The following RIN3 variants were observed in gnomAD, a reference collection of about 807,000 sequenced individuals.
RIN3 encodes RAB5 interacting protein 3.
A neutral mutation model predicts 76.3 loss-of-function variants in RIN3; 54 were observed. That is an observed-to-expected ratio of 0.71 (90% CI 0.57 to 0.89). RIN3 has a LOEUF of 0.89. RIN3 is among the 40% of genes least tolerant of loss of function. RIN3 has a pLI of 0.00. For missense variants in RIN3, 1,256 were observed against 1,322.1 expected (o/e 0.95, Z 0.78); for synonymous variants, 576 against 564.0 (o/e 1.02, Z -0.30).
intron 1 of RIN3, among the ~76,000 whole-genome samples, chr14:92,547,052 TAAA>T: frequency 1.3e-5 from 1 of 76,740 alleles, no homozygotes; most frequent in South Asian, 4.3e-4. Context: ...TTTATTATAA[TAAA>T]ATAAATTATA....
chr14:92,611,502 C>T (rs1885735254), intron 3 of RIN3, among the ~76,000 whole-genome samples: 1 of 152,150 alleles, frequency 6.6e-6, no homozygotes, highest in Non-Finnish European at 1.5e-5. Context: ...ATCCACCCGC[C>T]TCGGCCTCCC....
At chr14:92,653,096 T>C in intron 6 of RIN3, 21 bp downstream of exon 6, 2 of 1,586,136 alleles carry the variant, frequency 1.3e-6, no homozygotes, top group Non-Finnish European at 1.7e-6. Flanking sequence ...TGGGAGGAGG[T>C]GGCAGGGAGG....
In RIN3 at chr14:92,688,211, A is replaced by C; in HGVS notation, c.2917A>C (p.Ser973Arg). The change falls in exon 10 of 10, where the codon AGC (serine) becomes CGC (arginine). Residue 973 changes from serine to arginine, a missense_variant. Physicochemically the swap from Ser to Arg is moderately radical, Grantham distance 110. Transcript: ENST00000216487. ...LDGGGGGGGG[S>R]PPCLVVREPN... is the part of the protein sequence containing the mutation. ...CGGTGGTGGCGGCGGCGGCGGCGGG[A>C]GCCCGCCCTGCCTGGTGGTGCGGGA... 2.5e-6 allele frequency: 4 copies of C among 1,598,590 alleles called. No individual in the cohort carries two copies. The highest frequency in any genetic ancestry group is 3.4e-6 in the Non-Finnish European group (4 of 1,174,200).
At position 92,685,203 on chromosome 14, in the gene RIN3, C is replaced by T; in HGVS notation, c.2631+53C>T. On this transcript the variant is annotated intron_variant, in intron 9 of 9. Coordinates refer to ENST00000216487, the MANE Select transcript of RIN3 (RefSeq NM_024832.5). This position sits in a 1 kb window ranked among gnomAD's most constrained non-coding sequence, Gnocchi z 4.7. Reference sequence around the variant, plus strand: ...GTGGGGCCATGTCCCAGACACCATCCCTGCTGCCTGCTGGCTAAGGAGCCG... The same window carrying T: ...GTGGGGCCATGTCCCAGACACCATCTCTGCTGCCTGCTGGCTAAGGAGCCG... The T allele has an allele frequency of 2.0e-6, 3 of 1,504,466 alleles. No individual in the cohort carries two copies. The highest frequency in any genetic ancestry group is 2.7e-6 in the Non-Finnish European group (3 of 1,115,056). 93.2% of individuals were successfully genotyped at this position (1,504,466 alleles called of 1,614,324 possible). A position where few individuals can be genotyped will look rare whatever the true frequency, so the allele number is the denominator to read the frequency against.
rs753576707 is a variant in RIN3, at chr14:92,651,881, C to G, written c.832C>G (p.Arg278Gly). ...ATSPTSRWAPRRPPPPPPVLP... is the reference protein window; with the variant it reads ...ATSPTSRWAPGRPPPPPPVLP... The stretch of plus-strand genomic sequence containing the variant: ...CTCACCCACCTCCAGGTGGGCCCCA[C>G]GCCGCCCACCACCCCCTCCCCCAGT... Residue 278 changes from arginine (R) to glycine (G), a missense_variant, in exon 6 of 10, where the codon CGC (arginine) becomes GGC (glycine). Transcript: ENST00000216487. 6.3e-7 allele frequency: 1 copy of G among 1,598,800 alleles called. No individual in the cohort carries two copies. Among genetic ancestry groups the G allele is most frequent in the Middle Eastern group, 1.7e-4 (1 of 5,802 alleles).
At position 92,555,785 on chromosome 14, in the gene RIN3, G is replaced by T. The variant is rs545061503; in HGVS notation, c.79G>T (p.Glu27Ter). 6.2e-7 allele frequency: 1 copy of T among 1,614,168 alleles called. No individual in the cohort carries two copies. Among genetic ancestry groups the T allele is most frequent in the East Asian group, 2.2e-5 (1 of 44,876 alleles). ...AGTTGTTGGCAAAGGAGAGGAAGAGGAAGAGGAAGATGGCATGCGGCTTTG... is the reference window on the plus strand; with the variant it reads ...AGTTGTTGGCAAAGGAGAGGAAGAGTAAGAGGAAGATGGCATGCGGCTTTG... ...VPVVGKGEEE[E>*]EEDGMRLCLP... The change falls in exon 2 of 10, where the codon GAA (glutamate) becomes TAA (stop). Residue 27 changes from glutamate (E) to a stop codon, truncating the protein, a stop_gained. Coordinates refer to ENST00000216487, the MANE Select transcript of RIN3 (RefSeq NM_024832.5). LOFTEE classifies it high-confidence loss of function.
At chr14:92,604,297 G>C (rs554406754) in intron 3 of RIN3, among the ~76,000 whole-genome samples, 4 of 152,308 alleles carry the variant, frequency 2.6e-5, no homozygotes, top group Admixed American at 6.5e-5. Flanking sequence ...TTATCCTCAG[G>C]GTCTGCGCCC....
intron 5 of RIN3, among the ~76,000 whole-genome samples, chr14:92,649,320 G>A (rs139634547): frequency 1.3e-5 from 2 of 152,306 alleles, no homozygotes; most frequent in East Asian, 3.9e-4. Context: ...TGGGGCTGCT[G>A]CCCAGTTACC....
At chr14:92,533,564 G>A (rs1407467553) in intron 1 of RIN3, among the ~76,000 whole-genome samples, 8 of 152,156 alleles carry the variant, frequency 5.3e-5, no homozygotes, top group Non-Finnish European at 1.0e-4. Flanking sequence ...AATGGCATTC[G>A]CAGCAACCTG....
intron 1 of RIN3, among the ~76,000 whole-genome samples, chr14:92,548,665 C>T (rs1007689644): frequency 4.6e-5 from 7 of 152,134 alleles, no homozygotes; most frequent in Admixed American, 2.0e-4. Flanking sequence ...TGCCTTCACA[C>T]GGACCTCATC....
chr14:92,545,229 C>A (rs1595402713), intron 1 of RIN3, among the ~76,000 whole-genome samples: 1 of 151,114 alleles, frequency 6.6e-6, no homozygotes. Flanking sequence ...CCTGCCTCAG[C>A]CTCCAAAGTA....
At chr14:92,641,179 G>C (rs1171058325) in intron 4 of RIN3, 59 bp from the exon 5 acceptor site, 2 of 1,318,048 alleles carry the variant, frequency 1.5e-6, no homozygotes, top group Non-Finnish European at 2.2e-6. Context: ...TTCCTTTGTG[G>C]AGGCTGGGAA....
rs1897972906 is a variant in RIN3, at chr14:92,568,429, T to C, written c.250-8931T>C. ...AGATAATTCACCATAATCTAAAATG[T>C]TCTTCAGGCATCACTGCGGCACAGT... On this transcript the variant is annotated intron_variant, in intron 2 of 9. Transcript: ENST00000216487. This position sits in a 1 kb window ranked among gnomAD's most constrained non-coding sequence, Gnocchi z 4.2. 6.6e-6 allele frequency among the ~76,000 whole-genome samples: 1 copy of C among 152,146 alleles called. No homozygotes were observed. Among genetic ancestry groups the C allele is most frequent in the African/African-American group, 2.4e-5 (1 of 41,428 alleles).
chr14:92,645,861 AG>A (rs1279138467), intron 5 of RIN3, among the ~76,000 whole-genome samples: 2 of 152,030 alleles, frequency 1.3e-5, no homozygotes, highest in African/African-American at 4.8e-5. Flanking sequence ...TTGAGGCAGG[AG>A]AATCACTTGA....
intron 1 of RIN3, among the ~76,000 whole-genome samples, chr14:92,543,930 C>A (rs1410677939): frequency 6.6e-6 from 1 of 152,128 alleles, no homozygotes; most frequent in Non-Finnish European, 1.5e-5. Context: ...TCAGATCCAC[C>A]TCCCTGCCCT....
chr14:92,652,766 A>G lies in RIN3; in HGVS notation c.1717A>G (p.Met573Val). Residue 573 changes from methionine (M) to valine (V), a missense_variant, in exon 6 of 10, where the codon ATG becomes GTG. By Grantham distance (21) the Met-to-Val change is conservative. This residue lies in a region of RIN3 where 428 missense variants were observed against 521.2 expected (regional missense o/e 0.82). Coordinates refer to ENST00000216487, the MANE Select transcript of RIN3 (RefSeq NM_024832.5). This position sits in a 1 kb window ranked among gnomAD's most constrained non-coding sequence, Gnocchi z 6.4. ...SSPSVKKKPS[M>V]ILGKARHRLS... ...CCCCAGCGTGAAGAAGAAGCCCTCC[A>G]TGATCCTGGGCAAGGCTCGGCACCG... 6.2e-7 allele frequency: 1 copy of G among 1,613,982 alleles called. No individual in the cohort carries two copies. The highest frequency in any genetic ancestry group is 1.1e-5 in the South Asian group (1 of 91,082).
Position 92,588,354 on chromosome 14 carries a change from A to G in RIN3, c.367+10877A>G, listed in dbSNP as rs1003280383. ...GCAATTCTCCTGTCTCAGTCTCCCAAGTAGCTGGGATTACAGGCATGTGCC... is the reference window on the plus strand; with the variant it reads ...GCAATTCTCCTGTCTCAGTCTCCCAGGTAGCTGGGATTACAGGCATGTGCC... On this transcript the variant is annotated intron_variant, in intron 3 of 9. Transcript: ENST00000216487. Among the ~76,000 whole-genome samples the G allele has an allele frequency of 3.3e-5, 5 of 150,502 alleles. No homozygotes were observed. The Admixed American group carries it at 3.3e-4, about 10-fold the overall frequency.
At chr14:92,617,309 A>AT (rs202127239) in intron 4 of RIN3, among the ~76,000 whole-genome samples, 4,129 of 152,084 alleles carry the variant, frequency 0.027, 197 homozygotes, top group African/African-American at 0.094. Flanking sequence ...TCAAAAAAAA[A>AT]ACCAAAATAA....
intron 3 of RIN3, among the ~76,000 whole-genome samples, chr14:92,602,233 G>C (rs970455369): frequency 3.9e-5 from 6 of 152,222 alleles, no homozygotes; most frequent in Non-Finnish European, 7.3e-5. Context: ...TGTAAAGTCA[G>C]CTGTGTGCCC....
Sources: gnomAD v4.1 joint callset for allele counts (sites outside exome capture counted in the v4.1 genomes callset) on GRCh38, gnomAD v4.1.1 for gene constraint, gnomAD v4.1.1 regional missense constraint, Gnocchi (gnomAD v3.1) non-coding constraint, MANE v1.5 for transcripts, NCBI Gene and HGNC (gene_info 2026-07-23, HGNC 2026-07-21) for gene names.